GPC5: variants seen among roughly 807,000 people sequenced by gnomAD.
GPC5 encodes the protein glypican 5.
In GPC5, 47 loss-of-function variants were observed where a neutral mutation model predicts 53.9. That is an observed-to-expected ratio of 0.87 (90% CI 0.69 to 1.11). The LOEUF (loss-of-function observed/expected upper bound fraction) is 1.11, where lower values mean the gene tolerates loss of function less well. Ranked by LOEUF, GPC5 falls within the 50% of genes most tolerant of loss-of-function variation. The pLI, the probability that GPC5 is intolerant of heterozygous loss-of-function variation, is 0.00. For synonymous variants in GPC5, 286 were observed against 263.3 expected (o/e 1.09, Z -0.84); for missense variants, 748 against 713.1 (o/e 1.05, Z -0.56).
At chr13:91,451,428 G>T (rs181405640) in intron 2 of GPC5, among the ~76,000 whole-genome samples, 15 of 152,136 alleles carry the variant, frequency 9.9e-5, no homozygotes, top group African/African-American at 3.6e-4. Context: ...TTTAGCAGAG[G>T]GCACACTATT....
intron 7 of GPC5, among the ~76,000 whole-genome samples, chr13:92,835,669 C>G (rs1259129663): frequency 6.6e-6 from 1 of 151,884 alleles, no homozygotes; most frequent in Non-Finnish European, 1.5e-5. Context: ...GTAAAGAGAT[C>G]CTTATTTCAT....
intron 7 of GPC5, among the ~76,000 whole-genome samples, chr13:92,228,173 G>A (rs376125977): frequency 6.8e-6 from 1 of 147,472 alleles, no homozygotes; most frequent in Non-Finnish European, 1.5e-5. Context: ...CGAAGAAGGA[G>A]AGGCAGGCAC....
intron 4 of GPC5, among the ~76,000 whole-genome samples, chr13:91,736,502 T>A (rs1318982278): frequency 1.3e-5 from 2 of 151,184 alleles, no homozygotes; most frequent in Non-Finnish European, 2.9e-5. Context: ...GTAGATACAG[T>A]GACCATCCAC....
intron 5 of GPC5, among the ~76,000 whole-genome samples, chr13:91,776,151 A>G (rs536218397): frequency 6.6e-6 from 1 of 152,182 alleles, no homozygotes; most frequent in Admixed American, 6.5e-5. Context: ...GACCCGAGAC[A>G]GCTGAGATGA....
chr13:91,863,102 T>G (rs1455042576), intron 5 of GPC5, among the ~76,000 whole-genome samples: 1 of 150,978 alleles, frequency 6.6e-6, no homozygotes, highest in Non-Finnish European at 1.5e-5. Context: ...TTCCTTTCCT[T>G]CTGTTTTGAA....
At chr13:91,948,143 G>T (rs1011147920) in intron 6 of GPC5, among the ~76,000 whole-genome samples, 1 of 151,578 alleles carries the variant, frequency 6.6e-6, no homozygotes, top group African/African-American at 2.4e-5. Context: ...TGGGAGAATG[G>T]CGTGAATCTG....
chr13:92,664,761 C>T (rs970995809), intron 7 of GPC5, among the ~76,000 whole-genome samples: 6 of 152,024 alleles, frequency 3.9e-5, no homozygotes, highest in South Asian at 2.1e-4. Flanking sequence ...TTTTGAAGAG[C>T]GATTACAAAT....
intron 1 of GPC5, among the ~76,000 whole-genome samples, chr13:91,421,555 C>A (rs1055818284): frequency 6.6e-6 from 1 of 152,042 alleles, no homozygotes; most frequent in Admixed American, 6.5e-5. Flanking sequence ...TTGAACACTG[C>A]AATGGAATAT....
At chr13:91,832,226 T>C (rs115053927) in intron 5 of GPC5, among the ~76,000 whole-genome samples, 6,699 of 151,906 alleles carry the variant, frequency 0.044, 173 homozygotes, top group Middle Eastern at 0.068. Context: ...AATGTAATGC[T>C]CTTCTTTGTC....
chr13:91,510,170 C>A (rs1378336676), intron 2 of GPC5, among the ~76,000 whole-genome samples: 9 of 151,996 alleles, frequency 5.9e-5, no homozygotes, highest in Admixed American at 4.6e-4. Flanking sequence ...GAAAGTCATG[C>A]TATTTCCATT....
At chr13:92,712,891 C>G (rs538516615) in intron 7 of GPC5, among the ~76,000 whole-genome samples, 7 of 151,460 alleles carry the variant, frequency 4.6e-5, no homozygotes, top group African/African-American at 1.5e-4. Context: ...TGAAGACAGA[C>G]GGAGAAGACA....
intron 6 of GPC5, among the ~76,000 whole-genome samples, chr13:92,107,457 A>C (rs1481076892): frequency 6.6e-6 from 1 of 152,088 alleles, no homozygotes; most frequent in African/African-American, 2.4e-5. Flanking sequence ...AAGAGTTCTT[A>C]ATAACCCTGC....
At chr13:92,793,599 G>A (rs1876548305) in intron 7 of GPC5, among the ~76,000 whole-genome samples, 2 of 152,070 alleles carry the variant, frequency 1.3e-5, no homozygotes, top group South Asian at 4.1e-4. Flanking sequence ...CCAGGAGCTA[G>A]TTTTTTGAAG....
chr13:91,939,195 T>G (rs1594675574), intron 6 of GPC5, among the ~76,000 whole-genome samples: 1 of 152,258 alleles, frequency 6.6e-6, no homozygotes, highest in East Asian at 1.9e-4. Context: ...ATTATCCATC[T>G]TCCTCTTTTA....
chr13:92,837,038 G>A (rs1454091034), intron 7 of GPC5, among the ~76,000 whole-genome samples: 1 of 151,938 alleles, frequency 6.6e-6, no homozygotes, highest in East Asian at 1.9e-4. Context: ...CATATACCTA[G>A]GCACATTATG....
At chr13:91,890,438 T>C (rs981893324) in intron 5 of GPC5, among the ~76,000 whole-genome samples, 2 of 152,180 alleles carry the variant, frequency 1.3e-5, no homozygotes, top group Non-Finnish European at 2.9e-5. Flanking sequence ...CTCTCAGTGC[T>C]GGGATGAGTC....
At chr13:91,973,360 C>G (rs1322584659) in intron 6 of GPC5, among the ~76,000 whole-genome samples, 1 of 152,140 alleles carries the variant, frequency 6.6e-6, no homozygotes, top group East Asian at 1.9e-4. Flanking sequence ...TTCTAGTCAT[C>G]CATTCGTCTA....
chr13:91,607,939 T>C (rs557516660), intron 2 of GPC5, among the ~76,000 whole-genome samples: 3 of 152,332 alleles, frequency 2.0e-5, no homozygotes, highest in Non-Finnish European at 2.9e-5. Flanking sequence ...TGAGTAATGG[T>C]GATTTTCTGA....
At chr13:92,220,815 T>G (rs2042443145) in intron 7 of GPC5, among the ~76,000 whole-genome samples, 1 of 152,194 alleles carries the variant, frequency 6.6e-6, no homozygotes, top group Non-Finnish European at 1.5e-5. Flanking sequence ...GGTAATACAT[T>G]TATTCATATA....
Sources: allele counts gnomAD v4.1 joint callset (sites outside exome capture counted in the v4.1 genomes callset), GRCh38; gene constraint gnomAD v4.1.1; transcripts MANE v1.5; gene names NCBI Gene and HGNC (gene_info 2026-07-23, HGNC 2026-07-21).